The following SDK1 variants were observed in gnomAD, a reference collection of about 807,000 sequenced individuals.
The protein encoded by SDK1 is sidekick cell adhesion molecule 1.
Under a neutral mutation model 245.5 loss-of-function variants are expected in SDK1, and 157 were observed. The ratio of observed to expected loss-of-function variants is 0.64; its 90% CI spans 0.56 to 0.73. The LOEUF (loss-of-function observed/expected upper bound fraction) is 0.73, where lower values mean the gene tolerates loss of function less well. Ranked by LOEUF, SDK1 falls within the 30% of genes least tolerant of loss-of-function variation. SDK1 has a pLI of 0.00. For synonymous variants in SDK1, 1,647 were observed against 1,278.5 expected (o/e 1.29, Z -6.15); for missense variants, 3,583 against 3,002.3 (o/e 1.19, Z -4.52).
chr7:4,230,333 G>A, intron 40 of SDK1, among the ~76,000 whole-genome samples: 1 of 146,474 alleles, frequency 6.8e-6, no homozygotes, highest in South Asian at 2.3e-4. Flanking sequence ...TGGATGGATG[G>A]ATGAATGAAT....
intron 4 of SDK1, among the ~76,000 whole-genome samples, chr7:3,642,433 T>A (rs1430482636): frequency 4.6e-5 from 7 of 152,232 alleles, no homozygotes; most frequent in African/African-American, 1.4e-4. Flanking sequence ...TGGGTTTGCC[T>A]CCTAGTACTA....
intron 3 of SDK1, among the ~76,000 whole-genome samples, chr7:3,640,968 C>T (rs568209729): frequency 6.6e-6 from 1 of 152,258 alleles, no homozygotes; most frequent in East Asian, 1.9e-4. Context: ...AGGTGTGAGC[C>T]ACTGTGCTCT....
intron 12 of SDK1, among the ~76,000 whole-genome samples, chr7:3,974,036 T>C (rs1782689916): frequency 6.6e-6 from 1 of 151,158 alleles, no homozygotes; most frequent in Non-Finnish European, 1.5e-5. Flanking sequence ...ACAAAAAAAT[T>C]AGCCAAGCAT....
chr7:3,892,205 G>T (rs905038472), intron 5 of SDK1, among the ~76,000 whole-genome samples: 1 of 152,144 alleles, frequency 6.6e-6, no homozygotes, highest in Non-Finnish European at 1.5e-5. Context: ...ACCAATTTCT[G>T]TATTAGCTTT....
intron 4 of SDK1, among the ~76,000 whole-genome samples, chr7:3,800,731 CAG>C (rs1779087592): frequency 1.3e-5 from 2 of 151,956 alleles, no homozygotes; most frequent in Admixed American, 6.6e-5. Flanking sequence ...CCAAATGATT[CAG>C]AGTTTTTCGT....
chr7:3,804,812 G>T (rs1372840817), intron 4 of SDK1, among the ~76,000 whole-genome samples: 2 of 152,182 alleles, frequency 1.3e-5, no homozygotes, highest in Admixed American at 1.3e-4. Flanking sequence ...TTGAGTGATT[G>T]TCAGTGGCGT....
chr7:4,048,410 G>A lies in SDK1; in HGVS notation c.2603-938G>A, dbSNP rs143071617. The stretch of plus-strand genomic sequence containing the variant: ...CAGTTCCCCATTGCCTTATGTATGC[G>A]TCATCAGCCGTGCTGCTGGGCACGG... On this transcript the variant is annotated intron_variant, in intron 17 of 44. Transcript: ENST00000404826. 3.8e-3 allele frequency among the ~76,000 whole-genome samples: 574 copies of A among 152,178 alleles called. 6 individuals are homozygous for A. Among genetic ancestry groups the A allele is most frequent in the South Asian group, 0.031 (147 of 4,810 alleles).
chr7:3,858,565 C>T (rs1455603001), intron 5 of SDK1, among the ~76,000 whole-genome samples: 1 of 152,022 alleles, frequency 6.6e-6, no homozygotes, highest in Admixed American at 6.6e-5. Flanking sequence ...ACCCACCTTT[C>T]CAAGTCGTCT....
chr7:3,697,756 A>G (rs1178999491), intron 4 of SDK1, among the ~76,000 whole-genome samples: 2 of 152,136 alleles, frequency 1.3e-5, no homozygotes, highest in Non-Finnish European at 2.9e-5. Context: ...TGTCACCAGT[A>G]TTTCTATGTG....
intron 5 of SDK1, among the ~76,000 whole-genome samples, chr7:3,863,031 G>A (rs534346895): frequency 2.1e-4 from 32 of 152,284 alleles, no homozygotes; most frequent in African/African-American, 7.7e-4. Flanking sequence ...GTGCATCCCA[G>A]TTCCTAAGAG....
intron 25 of SDK1, among the ~76,000 whole-genome samples, chr7:4,115,566 C>T (rs1239031640): frequency 1.3e-5 from 2 of 152,224 alleles, no homozygotes; most frequent in Non-Finnish European, 2.9e-5. Flanking sequence ...GTAGACATGG[C>T]TCTGTTTCCT....
Position 3,336,581 on chromosome 7 carries a change from C to T in SDK1, c.298+34697C>T, listed in dbSNP as rs112455406. On this transcript the variant is annotated intron_variant, in intron 1 of 44. Coordinates refer to ENST00000404826, the MANE Select transcript of SDK1 (RefSeq NM_152744.4). Reference sequence around the variant, plus strand: ...TGGTGGCAAATGAGGTATGGAGGAGCGGAGCATGCTGGCACTCCCCACCTC... The same window carrying T: ...TGGTGGCAAATGAGGTATGGAGGAGTGGAGCATGCTGGCACTCCCCACCTC... 6.0e-3 allele frequency among the ~76,000 whole-genome samples: 916 copies of T among 152,258 alleles called. 7 individuals are homozygous for T. Among genetic ancestry groups the T allele is most frequent in the Non-Finnish European group, 8.7e-3 (589 of 68,006 alleles).
intron 1 of SDK1, among the ~76,000 whole-genome samples, chr7:3,584,344 T>G (rs1347971022): frequency 6.6e-6 from 1 of 152,180 alleles, no homozygotes; most frequent in African/African-American, 2.4e-5. Flanking sequence ...GTTCCCTGTC[T>G]AGTTTCACGT....
At chr7:4,094,038 G>A (rs752671674) in intron 22 of SDK1, among the ~76,000 whole-genome samples, 7 of 152,034 alleles carry the variant, frequency 4.6e-5, no homozygotes, top group African/African-American at 1.2e-4. Context: ...TTGCCTAAAC[G>A]GCCAGGGTGG....
rs556489761 is a variant in SDK1, at chr7:3,706,289, T to A, written c.713+64184T>A. ...GGGTGATACTGGCTTCACAGATGAG[T>A]TAGGGAGGATTCCCTCTTTCTCAGT... On this transcript the variant is annotated intron_variant, in intron 4 of 44. Coordinates refer to ENST00000404826, the MANE Select transcript of SDK1 (RefSeq NM_152744.4). Among the ~76,000 whole-genome samples, 8 of 152,328 alleles carry A rather than the reference T, an allele frequency of 5.3e-5. No homozygotes were observed. The East Asian group carries it at 1.5e-3, about 29-fold the overall frequency.
At chr7:3,359,875 G>C (rs746677781) in intron 1 of SDK1, among the ~76,000 whole-genome samples, 1 of 152,180 alleles carries the variant, frequency 6.6e-6, no homozygotes, top group African/African-American at 2.4e-5. Context: ...GACCCATGAA[G>C]TCTTAGGGCA....
intron 4 of SDK1, among the ~76,000 whole-genome samples, chr7:3,647,647 C>G (rs1782891260): frequency 6.6e-6 from 1 of 151,948 alleles, no homozygotes; most frequent in Admixed American, 6.6e-5. Context: ...CCAGGCTGGT[C>G]TCGAACTCCT....
At chr7:3,495,984 C>A (rs1264132732) in intron 1 of SDK1, among the ~76,000 whole-genome samples, 1 of 152,220 alleles carries the variant, frequency 6.6e-6, no homozygotes, top group Non-Finnish European at 1.5e-5. Flanking sequence ...TATCTTTTCT[C>A]AGTGGCCCGT....
intron 25 of SDK1, among the ~76,000 whole-genome samples, chr7:4,125,663 C>T (rs1303280859): frequency 3.3e-5 from 5 of 152,226 alleles, no homozygotes; most frequent in Non-Finnish European, 7.3e-5. Context: ...GAAACAGATG[C>T]TTCTACTCAC....
Sources: allele counts gnomAD v4.1 joint callset (sites outside exome capture counted in the v4.1 genomes callset), GRCh38; gene constraint gnomAD v4.1.1; transcripts MANE v1.5; gene names NCBI Gene and HGNC (gene_info 2026-07-23, HGNC 2026-07-21).